The following TMEM255B variants were observed in gnomAD, a reference collection of about 807,000 sequenced individuals.
TMEM255B encodes transmembrane protein 255B.
In TMEM255B, 35 loss-of-function variants were observed where a neutral mutation model predicts 34.5. The observed-to-expected ratio is 1.01, with a 90% confidence interval of 0.77 to 1.34. The LOEUF is 1.34. Among genes scored for constraint, TMEM255B ranks in the 40% most tolerant of loss-of-function variants. TMEM255B has a pLI of 0.00. For missense variants in TMEM255B, 432 were observed against 433.2 expected (o/e 1.00, Z 0.02); for synonymous variants, 206 against 201.2 (o/e 1.02, Z -0.20).
chr13:113,766,834 T>G (rs1027262250), intron 2 of TMEM255B, among the ~76,000 whole-genome samples: 2 of 152,216 alleles, frequency 1.3e-5, no homozygotes, highest in Non-Finnish European at 2.9e-5. Flanking sequence ...TCAGGCCAGA[T>G]TTTGAACAGT....
chr13:113,811,074 G>T (rs1293118697), intron 8 of TMEM255B, among the ~76,000 whole-genome samples: 2 of 152,162 alleles, frequency 1.3e-5, no homozygotes, highest in Non-Finnish European at 2.9e-5. Context: ...GGTTGTGCCA[G>T]TGAGGCCCCG....
rs113989378 is a variant in TMEM255B at position 113,792,989 on chromosome 13, A to G, written c.253-2159A>G. On this transcript the variant is annotated intron_variant, in intron 3 of 8. Transcript: ENST00000375353. ...GGAGCGTCCGTGACACTCATGAATA[A>G]GTCAGTGAACCCAGCACCTCCCTTT... is the stretch of plus-strand genomic sequence containing the variant. 4.5e-3 allele frequency among the ~76,000 whole-genome samples: 692 copies of G among 152,366 alleles called. 8 individuals are homozygous for G. The highest frequency in any genetic ancestry group is 0.016 in the African/African-American group (653 of 41,590).
rs1217189545 is a variant in TMEM255B, at chr13:113,808,073, A to G, written c.813+3045A>G. Among the ~76,000 whole-genome samples, 3 of 152,208 alleles carry G rather than the reference A, an allele frequency of 2.0e-5. No individual in the cohort carries two copies. In the East Asian group the frequency reaches 5.8e-4, roughly 29 times the overall value. On this transcript the variant is annotated intron_variant, in intron 8 of 8. Transcript: ENST00000375353. ...TGATAATTGGATTTCAGAGATGGCA[A>G]ATCAGATGAGGCTCATGTGCTCCTC... is the stretch of plus-strand genomic sequence containing the variant.
chr13:113,810,801 A>T (rs2051283579), intron 8 of TMEM255B, among the ~76,000 whole-genome samples: 1 of 152,230 alleles, frequency 6.6e-6, no homozygotes, highest in African/African-American at 2.4e-5. Flanking sequence ...CAACACCCAG[A>T]TGCGTGTGTG....
rs530642057 is a variant in TMEM255B at position 113,798,492 on chromosome 13, ATGGT to A, written c.343-843_343-840del. 2.5e-3 allele frequency among the ~76,000 whole-genome samples: 362 copies of A among 146,720 alleles called. 1 individual carries two copies. Among genetic ancestry groups the A allele is most frequent in the African/African-American group, 8.6e-3 (339 of 39,194 alleles). ...TGGATGATGGATGGATGGTTGGATG[ATGGT>A]TGGATGGATGGATGTGGATGAATGG... On this transcript the variant is annotated intron_variant, in intron 4 of 8. Transcript: ENST00000375353.
intron 3 of TMEM255B, among the ~76,000 whole-genome samples, chr13:113,782,680 G>T (rs1218160223): frequency 1.3e-5 from 2 of 151,770 alleles, no homozygotes; most frequent in East Asian, 1.9e-4. Context: ...GTCGGAGGGG[G>T]GGGCTTCATT....
Position 113,767,182 on chromosome 13 carries a change from A to G in TMEM255B, c.189+925A>G, listed in dbSNP as rs150642977. On this transcript the variant is annotated intron_variant, in intron 2 of 8. Transcript: ENST00000375353. ...CAAAGATGAAAGATTTTTGGCCCTA[A>G]GTATTTAGAAATATTTTACAAATAC... 6.3e-3 allele frequency among the ~76,000 whole-genome samples: 963 copies of G among 152,368 alleles called. 4 individuals are homozygous for G. The highest frequency in any genetic ancestry group is 0.031 in the Middle Eastern group (9 of 294).
chr13:113,769,263 C>T lies in TMEM255B; in HGVS notation c.252+103C>T. On this transcript the variant is annotated intron_variant, in intron 3 of 8. Coordinates refer to ENST00000375353, the MANE Select transcript of TMEM255B (RefSeq NM_182614.4). The surrounding 1 kb of genome is among the most constrained non-coding windows in gnomAD (Gnocchi z 4.2). Reference sequence around the variant, plus strand: ...GAGTCAGCCCTGCCTCCCCAGCACACTGGTGTCTACAGGACCAGCTCTGAG... The same window carrying T: ...GAGTCAGCCCTGCCTCCCCAGCACATTGGTGTCTACAGGACCAGCTCTGAG... 1 of 1,302,500 alleles carries T rather than the reference C, an allele frequency of 7.7e-7. No individual in the cohort carries two copies. The highest frequency in any genetic ancestry group is 1.5e-5 in the African/African-American group (1 of 68,820). 80.7% of individuals were successfully genotyped at this position (1,302,500 alleles called of 1,614,324 possible). A position where few individuals can be genotyped will look rare whatever the true frequency, so the allele number is the denominator to read the frequency against.
chr13:113,776,647 G>A (rs779048631), intron 3 of TMEM255B, among the ~76,000 whole-genome samples: 6 of 152,194 alleles, frequency 3.9e-5, no homozygotes, highest in African/African-American at 4.8e-5. Flanking sequence ...CCCTGGGCAC[G>A]CCTGGTTAGC....
intron 4 of TMEM255B, 37 bp from the exon 5 acceptor site, chr13:113,799,302 C>T: frequency 3.7e-6 from 6 of 1,608,474 alleles, no homozygotes; most frequent in African/African-American, 1.3e-5. Flanking sequence ...CCTGGAGGCA[C>T]CTGTTTTATT....
chr13:113,768,957 T>G, intron 2 of TMEM255B, 141 bp from the exon 3 acceptor site: 96 of 843,180 alleles, frequency 1.1e-4, no homozygotes, highest in Non-Finnish European at 1.5e-4. Flanking sequence ...GCTCAGTGGT[T>G]GAGGTTCTTG....
At chr13:113,774,030 A>G (rs532904167) in intron 3 of TMEM255B, among the ~76,000 whole-genome samples, 1 of 152,262 alleles carries the variant, frequency 6.6e-6, no homozygotes, top group East Asian at 1.9e-4. Context: ...AATTTTTACC[A>G]TAGAAAACTT....
intron 3 of TMEM255B, among the ~76,000 whole-genome samples, chr13:113,794,889 C>T (rs59651833): frequency 0.091 from 13,879 of 152,254 alleles, 2,145 homozygotes; most frequent in African/African-American, 0.32. Flanking sequence ...CTCAGAGGCG[C>T]GTGCCGAGGG....
chr13:113,801,837 G>A (rs746599665), intron 7 of TMEM255B, 25 bp downstream of exon 7: 161 of 1,559,400 alleles, frequency 1.0e-4, no homozygotes, highest in South Asian at 8.0e-4. Context: ...TGGGACCCCC[G>A]CTGCTCACTG....
At chr13:113,768,481 G>A (rs573709659) in intron 2 of TMEM255B, among the ~76,000 whole-genome samples, 6 of 152,272 alleles carry the variant, frequency 3.9e-5, no homozygotes, top group African/African-American at 7.2e-5. Context: ...GGGCTCTGCC[G>A]GACCCCTGGT....
At chr13:113,778,038 G>T (rs759207411) in intron 3 of TMEM255B, among the ~76,000 whole-genome samples, 5 of 152,230 alleles carry the variant, frequency 3.3e-5, no homozygotes, top group Admixed American at 1.3e-4. Context: ...AGGGCCTGAG[G>T]GGGTGGACAG....
chr13:113,800,166 G>GC, intron 5 of TMEM255B: 1 of 396,572 alleles, frequency 2.5e-6, no homozygotes, highest in Non-Finnish European at 3.4e-6. Flanking sequence ...ATGTGTATGT[G>GC]TGTGTGGAGG....
chr13:113,797,255 T>G (rs1015927006), intron 4 of TMEM255B, among the ~76,000 whole-genome samples: 1 of 152,228 alleles, frequency 6.6e-6, no homozygotes, highest in Non-Finnish European at 1.5e-5. Context: ...GGGCTGACTT[T>G]AGGACGGATG....
intron 1 of TMEM255B, among the ~76,000 whole-genome samples, chr13:113,764,875 C>G (rs1005937100): frequency 6.6e-6 from 1 of 152,172 alleles, no homozygotes; most frequent in Non-Finnish European, 1.5e-5. Flanking sequence ...AAGCCTGCCT[C>G]TAAGGAGGCA....
Sources: allele counts gnomAD v4.1 joint callset (sites outside exome capture counted in the v4.1 genomes callset), GRCh38; gene constraint gnomAD v4.1.1; non-coding constraint Gnocchi (gnomAD v3.1); transcripts MANE v1.5; gene names NCBI Gene and HGNC (gene_info 2026-07-23, HGNC 2026-07-21).